ULK4: variants seen among roughly 807,000 people sequenced by gnomAD.
ULK4 encodes inactive serine/threonine-protein kinase ULK4.
ULK4 carries 133 observed loss-of-function variants against 160.6 expected under a neutral mutation model. That is an observed-to-expected ratio of 0.83 (90% CI 0.72 to 0.96). ULK4 has a LOEUF of 0.96. Among genes scored for constraint, ULK4 ranks in the 40% least tolerant of loss-of-function variants. The pLI, the probability that ULK4 is intolerant of heterozygous loss-of-function variation, is 0.00. For synonymous variants in ULK4, 534 were observed against 539.8 expected (o/e 0.99, Z 0.15); for missense variants, 1,580 against 1,499.5 (o/e 1.05, Z -0.89).
chr3:41,629,904 G>C (rs1461851770), intron 30 of ULK4, among the ~76,000 whole-genome samples: 2 of 152,172 alleles, frequency 1.3e-5, no homozygotes, highest in South Asian at 2.1e-4. Context: ...GGCTGAGGTA[G>C]AAGGATCACC....
intron 32 of ULK4, among the ~76,000 whole-genome samples, chr3:41,565,801 G>A (rs776553028): frequency 1.1e-4 from 17 of 152,096 alleles, no homozygotes; most frequent in Non-Finnish European, 2.2e-4. Context: ...CTATTTCTTG[G>A]TTTGTCATCT....
intron 29 of ULK4, among the ~76,000 whole-genome samples, chr3:41,670,432 T>C (rs534002751): frequency 6.6e-6 from 1 of 152,278 alleles, no homozygotes; most frequent in African/African-American, 2.4e-5. Flanking sequence ...TTTTATGTGA[T>C]TGAGCTCTGT....
intron 35 of ULK4, among the ~76,000 whole-genome samples, chr3:41,364,279 C>T (rs115701806): frequency 0.011 from 1,671 of 152,194 alleles, 17 homozygotes; most frequent in Non-Finnish European, 0.019. Flanking sequence ...ATTAACTATC[C>T]GGAAGGGCTC....
intron 33 of ULK4, among the ~76,000 whole-genome samples, chr3:41,460,842 G>A (rs775114795): frequency 5.9e-5 from 9 of 151,978 alleles, no homozygotes; most frequent in East Asian, 3.9e-4. Flanking sequence ...CAACCACCCC[G>A]CAGAGTGGTG....
chr3:41,448,062 A>C (rs994301597), intron 34 of ULK4, among the ~76,000 whole-genome samples: 3 of 152,144 alleles, frequency 2.0e-5, no homozygotes, highest in Admixed American at 2.0e-4. Context: ...CTAGCTCTTT[A>C]CTTCCTTTCC....
At chr3:41,505,307 T>C (rs979716232) in intron 32 of ULK4, among the ~76,000 whole-genome samples, 2 of 152,110 alleles carry the variant, frequency 1.3e-5, no homozygotes, top group African/African-American at 4.8e-5. Context: ...AAATCATTAC[T>C]GCCCTAACTA....
chr3:41,867,360 G>T (rs954089464), intron 17 of ULK4, among the ~76,000 whole-genome samples: 6 of 152,178 alleles, frequency 3.9e-5, no homozygotes, highest in Non-Finnish European at 5.9e-5. Context: ...AAACTTTGGA[G>T]GTGGGGTCTG....
At chr3:41,558,516 C>A (rs1392468613) in intron 32 of ULK4, among the ~76,000 whole-genome samples, 1 of 151,818 alleles carries the variant, frequency 6.6e-6, no homozygotes, top group Non-Finnish European at 1.5e-5. Flanking sequence ...CCAGCCTGGC[C>A]AACATAATGA....
At chr3:41,927,320 C>T (rs1405010694) in intron 5 of ULK4, among the ~76,000 whole-genome samples, 1 of 152,152 alleles carries the variant, frequency 6.6e-6, no homozygotes, top group Non-Finnish European at 1.5e-5. Flanking sequence ...CACAACCAGG[C>T]CTGCCTTACA....
intron 22 of ULK4, among the ~76,000 whole-genome samples, chr3:41,731,200 AAAAAAAAATAAG>A (rs1285102232): frequency 2.6e-5 from 4 of 151,386 alleles, no homozygotes; most frequent in Non-Finnish European, 5.9e-5. Flanking sequence ...TCCAAACTGG[AAAAAAAAATAAG>A]AAAAAAAAAG....
intron 20 of ULK4, among the ~76,000 whole-genome samples, chr3:41,797,370 C>T (rs935851210): frequency 2.0e-5 from 3 of 152,186 alleles, no homozygotes; most frequent in Admixed American, 6.5e-5. Flanking sequence ...CATCACATGA[C>T]AACCACCCCA....
rs1463455188 is a variant in ULK4, at chr3:41,735,713, T to TATTATG, written c.2322-17853_2322-17852insCATAAT. The stretch of plus-strand genomic sequence containing the variant: ...TTATTATTATTATTATTATTATTAT[T>TATTATG]ATACTTTAAGTTTTAGGGTACATGT... On this transcript the variant is annotated intron_variant, in intron 22 of 36. Coordinates refer to ENST00000301831, the MANE Select transcript of ULK4 (RefSeq NM_017886.4). 7.2e-3 allele frequency among the ~76,000 whole-genome samples: 1,076 copies of TATTATG among 150,368 alleles called. 11 individuals carry two copies. The highest frequency in any genetic ancestry group is 0.025 in the African/African-American group (1,040 of 40,906).
rs183271857 is a variant in ULK4, at chr3:41,846,093, T to C, written c.1657-10122A>G. ...GCTTTAGAACTCAATGTCTTGTAAA[T>C]AGACACACATCATATAATTTATTCC... On this transcript the variant is annotated intron_variant, in intron 17 of 36. Coordinates refer to ENST00000301831, the MANE Select transcript of ULK4 (RefSeq NM_017886.4). Among the ~76,000 whole-genome samples, 34 of 152,310 alleles carry C rather than the reference T, an allele frequency of 2.2e-4. No individual in the cohort carries two copies. In the East Asian group the frequency reaches 4.2e-3, roughly 19 times the overall value.
At chr3:41,371,726 A>G (rs1438395324) in intron 35 of ULK4, among the ~76,000 whole-genome samples, 1 of 152,140 alleles carries the variant, frequency 6.6e-6, no homozygotes, top group Non-Finnish European at 1.5e-5. Flanking sequence ...TCCAAAAACC[A>G]GAATGCCTAT....
intron 18 of ULK4, among the ~76,000 whole-genome samples, chr3:41,824,264 C>A (rs1013532346): frequency 6.6e-6 from 1 of 151,680 alleles, no homozygotes; most frequent in Admixed American, 6.6e-5. Context: ...GTGATTTCTG[C>A]ATTTCCAACT....
chr3:41,921,034 T>C (rs1001598484), intron 5 of ULK4, among the ~76,000 whole-genome samples: 6 of 152,164 alleles, frequency 3.9e-5, no homozygotes, highest in African/African-American at 1.4e-4. Context: ...AAGAAATAAA[T>C]GTGGACCAGG....
intron 32 of ULK4, among the ~76,000 whole-genome samples, chr3:41,491,397 T>C (rs981778939): frequency 6.6e-6 from 1 of 151,996 alleles, no homozygotes; most frequent in Non-Finnish European, 1.5e-5. Flanking sequence ...CGACCATATA[T>C]CTAAATATGT....
intron 35 of ULK4, among the ~76,000 whole-genome samples, chr3:41,366,143 C>T (rs1275924748): frequency 6.6e-6 from 1 of 152,158 alleles, no homozygotes; most frequent in East Asian, 1.9e-4. Context: ...TCCAGGTGTT[C>T]GTTCAGCTCC....
At chr3:41,765,062 T>C (rs990677963) in intron 21 of ULK4, among the ~76,000 whole-genome samples, 4 of 152,274 alleles carry the variant, frequency 2.6e-5, no homozygotes, top group South Asian at 2.1e-4. Flanking sequence ...ACTGGGTATA[T>C]ACCCAAAGGA....
Sources: gnomAD v4.1 joint callset for allele counts (sites outside exome capture counted in the v4.1 genomes callset) on GRCh38, gnomAD v4.1.1 for gene constraint, MANE v1.5 for transcripts, NCBI Gene and HGNC (gene_info 2026-07-23, HGNC 2026-07-21) for gene names.